The following CNTN1 variants were observed in gnomAD, a reference collection of about 807,000 sequenced individuals.
CNTN1 encodes the protein contactin-1.
A neutral mutation model predicts 126.4 loss-of-function variants in CNTN1; 38 were observed. The observed-to-expected ratio is 0.30, with a 90% CI of 0.23 to 0.39. The LOEUF (loss-of-function observed/expected upper bound fraction) is 0.39, where lower values mean the gene tolerates loss of function less well. Ranked by LOEUF, CNTN1 falls within the 10% of genes least tolerant of loss-of-function variation. The probability of loss-of-function intolerance (pLI) is 1.00; values close to 1 mark genes in which losing one functional copy is unlikely to be tolerated. For missense variants in CNTN1, 1,009 were observed against 1,248.4 expected (o/e 0.81, Z 2.89); for synonymous variants, 413 against 422.6 (o/e 0.98, Z 0.28).
chr12:41,008,211 A>T (rs528077603), intron 17 of CNTN1, among the ~76,000 whole-genome samples: 9 of 152,150 alleles, frequency 5.9e-5, no homozygotes, highest in Non-Finnish European at 1.3e-4. Flanking sequence ...TTGGAGTTTG[A>T]TTGTTTCTAA....
intron 16 of CNTN1, among the ~76,000 whole-genome samples, chr12:40,983,930 A>T (rs1017037183): frequency 2.2e-4 from 26 of 118,336 alleles, no homozygotes; most frequent in Non-Finnish European, 1.2e-4. Flanking sequence ...ATATTTTATT[A>T]TATGCTATGT....
intron 6 of CNTN1, among the ~76,000 whole-genome samples, chr12:40,925,638 TAGAGAG>T (rs796124911): frequency 7.0e-6 from 1 of 143,500 alleles, no homozygotes; most frequent in Non-Finnish European, 1.5e-5. Flanking sequence ...TATATATATA[TAGAGAG>T]AGAGAGTTGT....
intron 1 of CNTN1, among the ~76,000 whole-genome samples, chr12:40,696,211 C>A (rs1034501917): frequency 6.6e-6 from 1 of 152,186 alleles, no homozygotes; most frequent in African/African-American, 2.4e-5. Flanking sequence ...TTTGCTTTTT[C>A]CCCATCAATA....
chr12:40,884,276 C>T (rs1267732700), intron 1 of CNTN1, among the ~76,000 whole-genome samples: 1 of 151,046 alleles, frequency 6.6e-6, no homozygotes, highest in Admixed American at 6.6e-5. Context: ...AGTTTATGTA[C>T]CATGTATTAT....
chr12:40,867,929 T>C (rs1943355941), intron 1 of CNTN1, among the ~76,000 whole-genome samples: 1 of 151,252 alleles, frequency 6.6e-6, no homozygotes, highest in Non-Finnish European at 1.5e-5. Context: ...TCTTTGGTGG[T>C]ACTTTTATAT....
intron 1 of CNTN1, among the ~76,000 whole-genome samples, chr12:40,719,089 C>A (rs1489653964): frequency 6.6e-6 from 1 of 152,058 alleles, no homozygotes; most frequent in South Asian, 2.1e-4. Context: ...AAACACTGAA[C>A]AACTGAAGTT....
chr12:40,701,810 A>G (rs1286113556), intron 1 of CNTN1, among the ~76,000 whole-genome samples: 1 of 152,204 alleles, frequency 6.6e-6, no homozygotes, highest in East Asian at 1.9e-4. Flanking sequence ...TTTAAGTAAA[A>G]CACTGTATTA....
intron 22 of CNTN1, 147 bp from the exon 23 acceptor site, chr12:41,028,916 C>T: frequency 2.6e-6 from 2 of 783,398 alleles, no homozygotes; most frequent in Admixed American, 2.5e-5. Context: ...TTTTTTTCAT[C>T]TAGTTTTAAA....
At chr12:40,855,698 A>G (rs879674762) in intron 1 of CNTN1, among the ~76,000 whole-genome samples, 1 of 152,136 alleles carries the variant, frequency 6.6e-6, no homozygotes, top group East Asian at 1.9e-4. Context: ...TGTTACTGAC[A>G]AAAGAAGTAC....
intron 23 of CNTN1, among the ~76,000 whole-genome samples, chr12:41,049,252 G>A (rs1477958932): frequency 1.3e-5 from 2 of 152,110 alleles, no homozygotes; most frequent in East Asian, 3.9e-4. Flanking sequence ...ATGCAGTCTC[G>A]AGGCTTTAAG....
chr12:40,860,677 G>A (rs757403833), intron 1 of CNTN1, among the ~76,000 whole-genome samples: 1 of 152,116 alleles, frequency 6.6e-6, no homozygotes, highest in Non-Finnish European at 1.5e-5. Context: ...GCAAGTATGG[G>A]ACAAGGGGCA....
chr12:40,894,235 T>C (rs904038885), intron 1 of CNTN1, among the ~76,000 whole-genome samples: 5 of 152,158 alleles, frequency 3.3e-5, no homozygotes, highest in Non-Finnish European at 7.4e-5. Context: ...AAATGATTAC[T>C]TTTACATACC....
intron 23 of CNTN1, among the ~76,000 whole-genome samples, chr12:41,042,482 C>A (rs2120959327): frequency 6.6e-6 from 1 of 152,094 alleles, no homozygotes; most frequent in African/African-American, 2.4e-5. Context: ...TGTTGACTTT[C>A]TGTCTCGTTG....
intron 1 of CNTN1, among the ~76,000 whole-genome samples, chr12:40,899,597 A>T (rs1488701008): frequency 1.3e-5 from 2 of 152,214 alleles, no homozygotes; most frequent in African/African-American, 4.8e-5. Flanking sequence ...TGGCCCTGGA[A>T]CACATTTGCA....
chr12:40,790,999 G>T (rs775617453), intron 1 of CNTN1, among the ~76,000 whole-genome samples: 18 of 152,012 alleles, frequency 1.2e-4, no homozygotes, highest in Non-Finnish European at 1.8e-4. Context: ...GAGGCTTTCC[G>T]GTAGTCTATG....
chr12:40,760,941 C>A (rs1035884942), intron 1 of CNTN1, among the ~76,000 whole-genome samples: 5 of 151,778 alleles, frequency 3.3e-5, no homozygotes, highest in Non-Finnish European at 7.4e-5. Flanking sequence ...ATGATATGCT[C>A]CAGAACACTG....
intron 17 of CNTN1, among the ~76,000 whole-genome samples, chr12:41,011,101 G>A (rs1390772723): frequency 6.6e-6 from 1 of 152,110 alleles, no homozygotes; most frequent in African/African-American, 2.4e-5. Context: ...ATTTTGGAAG[G>A]GTTCTATATA....
chr12:41,045,709 C>T (rs1016122829), intron 23 of CNTN1, among the ~76,000 whole-genome samples: 2 of 152,096 alleles, frequency 1.3e-5, no homozygotes, highest in African/African-American at 4.8e-5. Flanking sequence ...TTGGTAGATT[C>T]TTCACAGTAT....
At chr12:40,852,077 A>G (rs1942737557) in intron 1 of CNTN1, among the ~76,000 whole-genome samples, 1 of 152,160 alleles carries the variant, frequency 6.6e-6, no homozygotes, top group Non-Finnish European at 1.5e-5. Flanking sequence ...AACCATTACC[A>G]TGGTGACCAA....
Sources: allele counts gnomAD v4.1 joint callset (sites outside exome capture counted in the v4.1 genomes callset), GRCh38; gene constraint gnomAD v4.1.1; transcripts MANE v1.5; gene names NCBI Gene and HGNC (gene_info 2026-07-23, HGNC 2026-07-21).